CDH12: variants seen among roughly 807,000 people sequenced by gnomAD.
CDH12 encodes the protein cadherin-12.
CDH12 carries 41 observed loss-of-function variants against 74.1 expected under a neutral mutation model. The ratio of observed to expected loss-of-function variants is 0.55; its 90% CI spans 0.43 to 0.72. CDH12 has a LOEUF of 0.72. Ranked by LOEUF, CDH12 falls within the 30% of genes least tolerant of loss-of-function variation. The pLI is 0.00. For missense variants in CDH12, 945 were observed against 977.2 expected (o/e 0.97, Z 0.44); for synonymous variants, 399 against 355.0 (o/e 1.12, Z -1.39).
At chr5:22,815,117 A>G (rs528897188) in intron 1 of CDH12, among the ~76,000 whole-genome samples, 3 of 152,328 alleles carry the variant, frequency 2.0e-5, no homozygotes, top group African/African-American at 7.2e-5. Context: ...TGGGTATTAG[A>G]TCCTGGAATT....
At chr5:22,250,700 G>A (rs777338643) in intron 3 of CDH12, among the ~76,000 whole-genome samples, 1 of 152,188 alleles carries the variant, frequency 6.6e-6, no homozygotes, top group Non-Finnish European at 1.5e-5. Context: ...CTTCACTAAG[G>A]ATGGTAAATG....
intron 6 of CDH12, among the ~76,000 whole-genome samples, chr5:21,952,568 G>A (rs1755911904): frequency 6.6e-6 from 1 of 152,156 alleles, no homozygotes; most frequent in Non-Finnish European, 1.5e-5. Context: ...TTGAGATCAT[G>A]ACCTCTTTTG....
At chr5:21,903,813 C>T (rs779054875) in intron 6 of CDH12, among the ~76,000 whole-genome samples, 49 of 151,532 alleles carry the variant, frequency 3.2e-4, no homozygotes, top group Admixed American at 9.9e-4. Flanking sequence ...GGTAAGAACA[C>T]AAATAGATGG....
chr5:22,837,399 T>C (rs74665254), intron 1 of CDH12, among the ~76,000 whole-genome samples: 2,355 of 152,160 alleles, frequency 0.015, 30 homozygotes, highest in Non-Finnish European at 0.023. Context: ...CAGGGCAAGA[T>C]GCTGTCTCAA....
intron 1 of CDH12, among the ~76,000 whole-genome samples, chr5:22,707,500 T>G (rs1243191488): frequency 6.6e-6 from 1 of 152,146 alleles, no homozygotes; most frequent in Admixed American, 6.6e-5. Context: ...GAAGAAATGG[T>G]GTATTTGTCT....
At chr5:21,887,332 C>T (rs773243813) in intron 6 of CDH12, among the ~76,000 whole-genome samples, 6 of 151,968 alleles carry the variant, frequency 3.9e-5, no homozygotes, top group Non-Finnish European at 7.4e-5. Flanking sequence ...TAGTGATGGA[C>T]AAAAATTAAA....
intron 2 of CDH12, among the ~76,000 whole-genome samples, chr5:22,438,349 C>G (rs1436730799): frequency 2.0e-5 from 3 of 151,984 alleles, no homozygotes; most frequent in Non-Finnish European, 2.9e-5. Flanking sequence ...GCACCTAACA[C>G]AGTTGATAGA....
At chr5:21,925,211 C>T (rs1284459648) in intron 6 of CDH12, among the ~76,000 whole-genome samples, 5 of 152,186 alleles carry the variant, frequency 3.3e-5, no homozygotes, top group East Asian at 1.9e-4. Flanking sequence ...TTTTTACAGG[C>T]TTTTCCCTTG....
rs1749904101 is a variant in CDH12, at chr5:21,842,185, C to G, written c.790G>C (p.Asp264His). Residue 264 changes from aspartate (D) to histidine (H), a missense_variant, in exon 8 of 15, where the codon GAC becomes CAC. Physicochemically the swap from Asp to His is moderately conservative, Grantham distance 81 (BLOSUM62 -1). This residue lies in a region of CDH12 where 791 missense variants were observed against 792.8 expected (regional missense o/e 1.00). Transcript: ENST00000382254. ...CTTTTGGGGAATCGAGGTGGATTGTCATTGACATCGGTGAGAGTGATGTTG... is the reference window on the plus strand; with the variant it reads ...CTTTTGGGGAATCGAGGTGGATTGTGATTGACATCGGTGAGAGTGATGTTG... ...IVNITLTDVN[D>H]NPPRFPKSIF... 1.9e-6 allele frequency: 3 copies of G among 1,611,802 alleles called. No homozygotes were observed. The highest frequency in any genetic ancestry group is 2.5e-6 in the Non-Finnish European group (3 of 1,179,136).
At chr5:22,761,427 G>A (rs1746222185) in intron 1 of CDH12, among the ~76,000 whole-genome samples, 1 of 152,174 alleles carries the variant, frequency 6.6e-6, no homozygotes, top group Admixed American at 6.5e-5. Flanking sequence ...TGAAGGGCAT[G>A]CATGCCACGG....
intron 1 of CDH12, among the ~76,000 whole-genome samples, chr5:22,753,908 T>C (rs979346969): frequency 7.2e-5 from 11 of 152,170 alleles, no homozygotes; most frequent in African/African-American, 2.7e-4. Context: ...TAACTTCTGT[T>C]GCAATTATTA....
chr5:22,495,396 G>A (rs1348528682), intron 2 of CDH12, among the ~76,000 whole-genome samples: 2 of 152,082 alleles, frequency 1.3e-5, no homozygotes, highest in African/African-American at 4.8e-5. Flanking sequence ...TGAGAAAATG[G>A]GAATGTTTTT....
chr5:22,248,829 C>T (rs1580446227), intron 3 of CDH12, among the ~76,000 whole-genome samples: 1 of 151,918 alleles, frequency 6.6e-6, no homozygotes, highest in Non-Finnish European at 1.5e-5. Flanking sequence ...AGTAACTAAA[C>T]CATATTCTAA....
intron 2 of CDH12, among the ~76,000 whole-genome samples, chr5:22,445,397 T>C (rs566312416): frequency 8.6e-5 from 13 of 152,042 alleles, no homozygotes; most frequent in Non-Finnish European, 1.8e-4. Flanking sequence ...CCACCTCCCA[T>C]ATTGCCAAAG....
chr5:22,626,535 C>G (rs1738307388), intron 1 of CDH12, among the ~76,000 whole-genome samples: 1 of 152,090 alleles, frequency 6.6e-6, no homozygotes, highest in African/African-American at 2.4e-5. Flanking sequence ...ACCTAACATC[C>G]CTTATACCAG....
At chr5:22,032,629 AC>A (rs764550891) in intron 5 of CDH12, among the ~76,000 whole-genome samples, 4 of 151,178 alleles carry the variant, frequency 2.6e-5, no homozygotes. Context: ...AATTGCATGA[AC>A]CCAGAAGGTG....
At chr5:21,975,414 A>G in intron 5 of CDH12, 29 bp from the exon 6 acceptor site, 4 of 1,490,298 alleles carry the variant, frequency 2.7e-6, no homozygotes, top group Non-Finnish European at 3.6e-6. Context: ...GAGAGAGAGG[A>G]AGAGAAAGAG....
chr5:22,717,193 A>C (rs1020498593), intron 1 of CDH12, among the ~76,000 whole-genome samples: 1 of 152,142 alleles, frequency 6.6e-6, no homozygotes. Context: ...ACCCAGAGCA[A>C]CTTCCAGTAC....
chr5:22,421,699 G>C (rs982931225), intron 2 of CDH12, among the ~76,000 whole-genome samples: 1 of 152,064 alleles, frequency 6.6e-6, no homozygotes, highest in African/African-American at 2.4e-5. Flanking sequence ...TTGGGTATAT[G>C]TCCTGTAATG....
Sources: gnomAD v4.1 joint callset for allele counts (sites outside exome capture counted in the v4.1 genomes callset) on GRCh38, gnomAD v4.1.1 for gene constraint, gnomAD v4.1.1 regional missense constraint, MANE v1.5 for transcripts, NCBI Gene and HGNC (gene_info 2026-07-23, HGNC 2026-07-21) for gene names.